Variants in GDAP2 observed in about 807,000 individuals in gnomAD.
The protein encoded by GDAP2 is ganglioside induced differentiation associated protein 2, also known as ganglioside-induced differentiation-associated protein 2.
A neutral mutation model predicts 67.0 loss-of-function variants in GDAP2; 51 were observed. That is an observed-to-expected ratio of 0.76 (90% confidence interval 0.61 to 0.96). The LOEUF (loss-of-function observed/expected upper bound fraction) is 0.96. Among genes scored for constraint, GDAP2 ranks in the 40% least tolerant of loss-of-function variants. The pLI is 0.00. For missense variants in GDAP2, 547 were observed against 588.3 expected (o/e 0.93, Z 0.73); for synonymous variants, 203 against 207.3 (o/e 0.98, Z 0.18).
chr1:117,902,123 A>G (rs1161276707), intron 6 of GDAP2, among the ~76,000 whole-genome samples: 3 of 152,146 alleles, frequency 2.0e-5, no homozygotes, highest in Non-Finnish European at 2.9e-5. Context: ...TCTCTTTTCT[A>G]GCAGAACTAT....
At position 117,865,959 on chromosome 1, in the gene GDAP2, A is replaced by T. The variant is rs563264520; in HGVS notation, c.*4610T>A. 1.3e-5 allele frequency: 2 copies of T among 152,320 alleles called. No individual in the cohort carries two copies. Among genetic ancestry groups the T allele is most frequent in the Admixed American group, 1.3e-4 (2 of 15,298 alleles). 9.4% of individuals were successfully genotyped at this position (152,320 alleles called of 1,614,324 possible). On this transcript the variant is annotated 3_prime_UTR_variant, in exon 14 of 14. Coordinates refer to ENST00000369443, the MANE Select transcript of GDAP2 (RefSeq NM_017686.4). ...AGAAGTCCGACTCAAAGAATGTAAA[A>T]CAAGGCAGATTATGCATATATGTGT...
At chr1:117,878,691 T>C (rs1038474746) in intron 12 of GDAP2, among the ~76,000 whole-genome samples, 1 of 152,226 alleles carries the variant, frequency 6.6e-6, no homozygotes, top group Non-Finnish European at 1.5e-5. Context: ...GGTGCCATCT[T>C]TGCTCATTTC....
intron 6 of GDAP2, among the ~76,000 whole-genome samples, chr1:117,902,274 T>C (rs964692524): frequency 6.6e-6 from 1 of 152,242 alleles, no homozygotes. Context: ...GTTCACTTTT[T>C]AGTTTGCTTA....
chr1:117,877,396 A>C, intron 13 of GDAP2: 1 of 973,234 alleles, frequency 1.0e-6, no homozygotes. Context: ...CAAGTGTGTT[A>C]CTTTTTTTTT....
intron 1 of GDAP2, among the ~76,000 whole-genome samples, chr1:117,922,333 G>C (rs965009017): frequency 3.3e-5 from 5 of 152,096 alleles, no homozygotes; most frequent in African/African-American, 1.2e-4. Context: ...GAGAGAGAAG[G>C]AATGCTAAGA....
intron 6 of GDAP2, among the ~76,000 whole-genome samples, chr1:117,901,103 T>C (rs2101141205): frequency 6.6e-6 from 1 of 152,266 alleles, no homozygotes; most frequent in South Asian, 2.1e-4. Flanking sequence ...ATACAGTATG[T>C]GGCATTTTGT....
chr1:117,914,945 G>C (rs1649997799), intron 3 of GDAP2, among the ~76,000 whole-genome samples: 1 of 151,762 alleles, frequency 6.6e-6, no homozygotes, highest in Non-Finnish European at 1.5e-5. Context: ...ACAGAAAAAA[G>C]GATTTCCCAG....
chr1:117,916,332 G>T (rs983276118), intron 3 of GDAP2, among the ~76,000 whole-genome samples: 1 of 152,220 alleles, frequency 6.6e-6, no homozygotes, highest in African/African-American at 2.4e-5. Context: ...AGTGAGAAGA[G>T]ATCAGTTTGG....
At chr1:117,927,889 A>G (rs1389492388) in intron 1 of GDAP2, among the ~76,000 whole-genome samples, 2 of 152,224 alleles carry the variant, frequency 1.3e-5, no homozygotes, top group East Asian at 3.8e-4. Flanking sequence ...TTTTAATTGT[A>G]AATATTGATA....
At chr1:117,918,524 A>G (rs752863144) in intron 3 of GDAP2, 73 bp downstream of exon 3, 62 of 1,089,050 alleles carry the variant, frequency 5.7e-5, no homozygotes, top group Non-Finnish European at 7.2e-5. Context: ...CCCACAAAAC[A>G]TGCCTCTTTA....
intron 8 of GDAP2, among the ~76,000 whole-genome samples, chr1:117,895,144 G>A (rs548351156): frequency 2.2e-4 from 34 of 152,234 alleles, no homozygotes; most frequent in Middle Eastern, 6.8e-3. Flanking sequence ...CATGGATACA[G>A]TTTGAGATTC....
At chr1:117,879,039 G>A (rs548015268) in intron 12 of GDAP2, among the ~76,000 whole-genome samples, 19 of 152,220 alleles carry the variant, frequency 1.2e-4, no homozygotes, top group Admixed American at 2.0e-4. Flanking sequence ...TCAGAAAATC[G>A]TTCACAAGGC....
intron 13 of GDAP2, 57 bp from the exon 14 acceptor site, chr1:117,870,673 A>T: frequency 1.7e-6 from 2 of 1,181,142 alleles, no homozygotes; most frequent in East Asian, 2.3e-5. Context: ...TTAACTGGAA[A>T]TGTGAAAAAA....
rs1418367976 is a variant in GDAP2, at chr1:117,873,411, TTTC to T, written c.1447-2798_1447-2796del. 9.9e-5 allele frequency among the ~76,000 whole-genome samples: 15 copies of T among 151,780 alleles called. 1 individual carries two copies. Among genetic ancestry groups the T allele is most frequent in the African/African-American group, 3.4e-4 (14 of 41,294 alleles). On this transcript the variant is annotated intron_variant, in intron 13 of 13. Coordinates refer to ENST00000369443, the MANE Select transcript of GDAP2 (RefSeq NM_017686.4). ...AAATAGAAGCCCACTGAAACTTGGG[TTTC>T]TTTTTTTTTTTAAACAGATACTAAC...
chr1:117,912,040 A>G lies in GDAP2; in HGVS notation c.513T>C (p.Ser171=). 1 of 1,610,960 alleles carries G rather than the reference A, an allele frequency of 6.2e-7. No individual in the cohort carries two copies. The highest frequency in any genetic ancestry group is 8.5e-7 in the Non-Finnish European group (1 of 1,177,204). ...MSSVGFCVIN[S]AKRGYPLEDA... is the part of the protein sequence containing the mutation. ...CCTCTAAAGGATAACCACGTTTTGCAGAATTGATGACACAGAAGCCAACAG... is the reference window on the plus strand; with the variant it reads ...CCTCTAAAGGATAACCACGTTTTGCGGAATTGATGACACAGAAGCCAACAG... Residue 171 remains serine (S), a synonymous_variant, in exon 5 of 14, where the codon TCT becomes TCC. Coordinates refer to ENST00000369443, the MANE Select transcript of GDAP2 (RefSeq NM_017686.4).
At chr1:117,904,881 A>C (rs1649606139) in intron 6 of GDAP2, among the ~76,000 whole-genome samples, 2 of 152,218 alleles carry the variant, frequency 1.3e-5, no homozygotes, top group Admixed American at 6.5e-5. Flanking sequence ...CTGATCCTCT[A>C]AGACTCAACG....
intron 8 of GDAP2, among the ~76,000 whole-genome samples, chr1:117,895,500 C>T (rs1649233330): frequency 6.6e-6 from 1 of 152,058 alleles, no homozygotes; most frequent in Non-Finnish European, 1.5e-5. Context: ...AAAACAAAAG[C>T]TCTCTGGGGT....
chr1:117,883,009 T>C (rs1418090426), intron 11 of GDAP2: 4 of 152,468 alleles, frequency 2.6e-5, no homozygotes, highest in Admixed American at 2.0e-4. Flanking sequence ...AAGGGAAATA[T>C]GCTTTAATGA....
At chr1:117,924,196 C>A (rs1650362496) in intron 1 of GDAP2, among the ~76,000 whole-genome samples, 1 of 152,162 alleles carries the variant, frequency 6.6e-6, no homozygotes, top group East Asian at 1.9e-4. Flanking sequence ...AATTGCATGT[C>A]ACAGGGGTCT....
Sources: gnomAD v4.1 joint callset for allele counts (sites outside exome capture counted in the v4.1 genomes callset) on GRCh38, gnomAD v4.1.1 for gene constraint, MANE v1.5 for transcripts, NCBI Gene and HGNC (gene_info 2026-07-23, HGNC 2026-07-21) for gene names.